The following ANKH variants were observed in gnomAD, a reference collection of about 807,000 sequenced individuals.
ANKH encodes ANKH inorganic pyrophosphate transport regulator.
Under a neutral mutation model 49.0 loss-of-function variants are expected in ANKH, and 15 were observed. The observed-to-expected ratio is 0.31, with a 90% confidence interval of 0.20 to 0.47. The LOEUF (loss-of-function observed/expected upper bound fraction) is 0.47, where lower values mean the gene tolerates loss of function less well. Among genes scored for constraint, ANKH ranks in the 20% least tolerant of loss-of-function variants. The pLI is 1.00. For synonymous variants in ANKH, 273 were observed against 260.0 expected (o/e 1.05, Z -0.48); for missense variants, 429 against 652.0 (o/e 0.66, Z 3.72).
chr5:14,815,574 C>A (rs1408330816), intron 1 of ANKH, among the ~76,000 whole-genome samples: 2 of 152,174 alleles, frequency 1.3e-5, no homozygotes, highest in African/African-American at 4.8e-5. Context: ...CTACACTTCC[C>A]CAGTGCTGTG....
chr5:14,751,287 C>T (rs376718047), intron 4 of ANKH, 48 bp from the exon 5 acceptor site: 54 of 1,593,652 alleles, frequency 3.4e-5, no homozygotes, highest in East Asian at 8.9e-5. Flanking sequence ...AAGCGGGAAC[C>T]GACTGACAGA....
rs547928629 is a variant in ANKH, at chr5:14,731,595, T to C, written c.1011+10232A>G. On this transcript the variant is annotated intron_variant, in intron 8 of 11. Transcript: ENST00000284268. Reference sequence around the variant, plus strand: ...ACTGACAAGAGGGAGAAAAGCATTCTGTTGATAACCATAAAACTGTGCAAG... The same window carrying C: ...ACTGACAAGAGGGAGAAAAGCATTCCGTTGATAACCATAAAACTGTGCAAG... 2.3e-3 allele frequency among the ~76,000 whole-genome samples: 354 copies of C among 152,306 alleles called. 3 individuals are homozygous for C. The highest frequency in any genetic ancestry group is 8.1e-3 in the African/African-American group (335 of 41,568).
intron 1 of ANKH, among the ~76,000 whole-genome samples, chr5:14,817,296 C>A (rs137913134): frequency 6.6e-6 from 1 of 151,512 alleles, no homozygotes; most frequent in South Asian, 2.1e-4. Flanking sequence ...CTATGTGTGA[C>A]GCTAAAACGC....
intron 1 of ANKH, among the ~76,000 whole-genome samples, chr5:14,808,084 ATTT>A (rs1162597037): frequency 6.6e-6 from 1 of 152,018 alleles, no homozygotes; most frequent in Non-Finnish European, 1.5e-5. Context: ...AGTTTTATTA[ATTT>A]TTTTTGAAAA....
At chr5:14,769,733 G>T (rs1397965462) in intron 1 of ANKH, among the ~76,000 whole-genome samples, 2 of 151,836 alleles carry the variant, frequency 1.3e-5, no homozygotes, top group Non-Finnish European at 2.9e-5. Flanking sequence ...GGTACTGAAA[G>T]AATTTATTAT....
Position 14,768,971 on chromosome 5 carries a change from T to C in ANKH, c.313+4A>G, listed in dbSNP as rs1739336419. 6.2e-7 allele frequency: 1 copy of C among 1,614,122 alleles called. No homozygotes were observed. Among genetic ancestry groups the C allele is most frequent in the Non-Finnish European group, 8.5e-7 (1 of 1,179,978 alleles). Reference sequence around the variant, plus strand: ...GATTCGTCAGTGGCGGTCGGCGGCCTCACCTATCAGTGTGTGAAAGACGGC... The same window carrying C: ...GATTCGTCAGTGGCGGTCGGCGGCCCCACCTATCAGTGTGTGAAAGACGGC... On this transcript the variant is annotated splice_donor_region_variant and intron_variant, in intron 2 of 11. Transcript: ENST00000284268.
At chr5:14,813,097 T>C (rs905569130) in intron 1 of ANKH, among the ~76,000 whole-genome samples, 7 of 152,022 alleles carry the variant, frequency 4.6e-5, no homozygotes, top group Non-Finnish European at 1.0e-4. Flanking sequence ...AAAAATAAAC[T>C]GGGCATGGTG....
At chr5:14,848,523 C>T (rs554780836) in intron 1 of ANKH, among the ~76,000 whole-genome samples, 1 of 152,194 alleles carries the variant, frequency 6.6e-6, no homozygotes, top group Admixed American at 6.5e-5. Flanking sequence ...TTTTGCTCGC[C>T]GTCCGGCACT....
intron 2 of ANKH, among the ~76,000 whole-genome samples, chr5:14,764,598 T>C (rs1219263894): frequency 6.6e-6 from 1 of 152,240 alleles, no homozygotes. Context: ...TGCTTGTGTT[T>C]TGAGCCACTG....
chr5:14,817,066 T>C (rs1035780175), intron 1 of ANKH, among the ~76,000 whole-genome samples: 2 of 152,352 alleles, frequency 1.3e-5, no homozygotes, highest in South Asian at 4.1e-4. Flanking sequence ...GTGCTTCAAT[T>C]CTTTTAGACA....
At chr5:14,783,779 T>C (rs1158370818) in intron 1 of ANKH, among the ~76,000 whole-genome samples, 1 of 152,196 alleles carries the variant, frequency 6.6e-6, no homozygotes, top group Non-Finnish European at 1.5e-5. Context: ...GCTTTGAAAA[T>C]TGCTAAAGAT....
At chr5:14,804,537 T>C (rs1162513933) in intron 1 of ANKH, among the ~76,000 whole-genome samples, 1 of 152,218 alleles carries the variant, frequency 6.6e-6, no homozygotes, top group Non-Finnish European at 1.5e-5. Context: ...GGAGAGTCTG[T>C]GTCTACTTTA....
At position 14,751,126 on chromosome 5, in the gene ANKH, C is replaced by T; in HGVS notation, c.630G>A (p.Leu210=). 6.2e-7 allele frequency: 1 copy of T among 1,614,216 alleles called. No individual in the cohort carries two copies. The highest frequency in any genetic ancestry group is 8.5e-7 in the Non-Finnish European group (1 of 1,180,044). ...TGTCGTGAATGTTCTTGTAGTAGCCCAGGCACAGGGTGGTGCAGCGCACAA... is the reference window on the plus strand; with the variant it reads ...TGTCGTGAATGTTCTTGTAGTAGCCTAGGCACAGGGTGGTGCAGCGCACAA... The part of the protein sequence containing the change: ...GALVRCTTLC[L]GYYKNIHDII... The change falls in exon 5 of 12, where the codon CTG becomes CTA. Residue 210 remains leucine, a synonymous_variant. Coordinates refer to ENST00000284268, the MANE Select transcript of ANKH (RefSeq NM_054027.6).
intron 1 of ANKH, among the ~76,000 whole-genome samples, chr5:14,851,497 A>G (rs549569795): frequency 2.6e-5 from 4 of 152,364 alleles, no homozygotes; most frequent in African/African-American, 9.6e-5. Context: ...TTTAATGAAA[A>G]TATATTTTAC....
intron 1 of ANKH, among the ~76,000 whole-genome samples, chr5:14,790,392 G>A (rs747150614): frequency 1.8e-4 from 27 of 152,272 alleles, no homozygotes; most frequent in Non-Finnish European, 2.8e-4. Flanking sequence ...GGAAAAACAG[G>A]AAGTCCCAAC....
intron 1 of ANKH, among the ~76,000 whole-genome samples, chr5:14,791,677 A>G (rs1295996762): frequency 2.0e-5 from 3 of 152,210 alleles, no homozygotes; most frequent in African/African-American, 4.8e-5. Flanking sequence ...CTTTGGAAGG[A>G]AAGCACCCAG....
chr5:14,711,625 TCA>T (rs1310545129), intron 11 of ANKH, among the ~76,000 whole-genome samples: 3 of 152,168 alleles, frequency 2.0e-5, no homozygotes, highest in African/African-American at 7.2e-5. Context: ...CCCCGACTCC[TCA>T]CAGTCACCTG....
At chr5:14,765,264 A>C (rs1739222790) in intron 2 of ANKH, among the ~76,000 whole-genome samples, 1 of 152,250 alleles carries the variant, frequency 6.6e-6, no homozygotes, top group Non-Finnish European at 1.5e-5. Context: ...GGGCCAAGAA[A>C]TACTCCCAAG....
chr5:14,812,263 A>G (rs868648683), intron 1 of ANKH, among the ~76,000 whole-genome samples: 103 of 152,050 alleles, frequency 6.8e-4, no homozygotes, highest in African/African-American at 2.1e-3. Context: ...TTACCAAAAT[A>G]TAAGTAAATT....
Sources: allele counts gnomAD v4.1 joint callset (sites outside exome capture counted in the v4.1 genomes callset), GRCh38; gene constraint gnomAD v4.1.1; transcripts MANE v1.5; gene names NCBI Gene and HGNC (gene_info 2026-07-23, HGNC 2026-07-21).